ZMIZ1: variants seen among roughly 807,000 people sequenced by gnomAD.
ZMIZ1 encodes zinc finger MIZ domain-containing protein 1.
Under a neutral mutation model 113.9 loss-of-function variants are expected in ZMIZ1, and 17 were observed. The ratio of observed to expected loss-of-function variants is 0.15; its 90% CI spans 0.10 to 0.22. The LOEUF (loss-of-function observed/expected upper bound fraction) is 0.22, where lower values mean the gene tolerates loss of function less well. ZMIZ1 is among the 10% of genes least tolerant of loss of function. The pLI is 1.00. For synonymous variants in ZMIZ1, 607 were observed against 603.1 expected (o/e 1.01, Z -0.09); for missense variants, 1,059 against 1,477.8 (o/e 0.72, Z 4.65).
rs1359284915 is a variant in ZMIZ1 at position 79,315,807 on chromosome 10, A to G, written c.*3058A>G. On this transcript the variant is annotated 3_prime_UTR_variant, in exon 25 of 25. Transcript: ENST00000334512. ...GAAATAGAGACGTGTCAACAGATGC[A>G]TTCATTTCTCTTGGAATGTGTATTG... 3 of 152,686 alleles carry G rather than the reference A, an allele frequency of 2.0e-5. No homozygotes were observed. The Admixed American group carries it at 2.0e-4, about 10-fold the overall frequency. The allele number at this position is 152,686 out of a possible 1,614,324, so 9.5% of individuals were successfully genotyped here. A position where few individuals can be genotyped will look rare whatever the true frequency, so the allele number is the denominator to read the frequency against.
Position 79,269,085 on chromosome 10 carries a change from G to A in ZMIZ1, c.281-8096G>A, listed in dbSNP as rs551907288. 4.7e-4 allele frequency among the ~76,000 whole-genome samples: 72 copies of A among 152,146 alleles called. 1 individual carries two copies. Among genetic ancestry groups the A allele is most frequent in the African/African-American group, 1.6e-3 (68 of 41,508 alleles). ...GGAACTTGCGACATGTCAGAGGGGAGAGTGTGAGGACCAGTGTGGGGGCCT... is the reference window on the plus strand; with the variant it reads ...GGAACTTGCGACATGTCAGAGGGGAAAGTGTGAGGACCAGTGTGGGGGCCT... On this transcript the variant is annotated intron_variant, in intron 7 of 24. Coordinates refer to ENST00000334512, the MANE Select transcript of ZMIZ1 (RefSeq NM_020338.4).
At chr10:79,195,968 A>G (rs534743627) in intron 4 of ZMIZ1, among the ~76,000 whole-genome samples, 2 of 152,104 alleles carry the variant, frequency 1.3e-5, no homozygotes, top group African/African-American at 2.4e-5. Context: ...CAGGTGTAGA[A>G]CAAATGGAAG....
intron 7 of ZMIZ1, among the ~76,000 whole-genome samples, chr10:79,249,863 A>G (rs1427546603): frequency 1.3e-5 from 2 of 152,108 alleles, no homozygotes; most frequent in African/African-American, 4.8e-5. Flanking sequence ...CGGGGCTCTT[A>G]AAATGGGGCC....
At chr10:79,195,801 G>C (rs1190709953) in intron 4 of ZMIZ1, among the ~76,000 whole-genome samples, 1 of 152,220 alleles carries the variant, frequency 6.6e-6, no homozygotes, top group African/African-American at 2.4e-5. Context: ...GGAGTGCAAA[G>C]AACAGCACAT....
chr10:79,297,791 C>CCCAT, intron 14 of ZMIZ1, 101 bp downstream of exon 14: 1 of 1,048,014 alleles, frequency 9.5e-7, no homozygotes, highest in African/African-American at 1.6e-5. Context: ...TTCAAAGGGG[C>CCCAT]CCATGGGTGG....
rs1223164606 is a variant in ZMIZ1 at position 79,229,376 on chromosome 10, CT to C, written c.280+13104del. Among the ~76,000 whole-genome samples, 7 of 152,264 alleles carry C rather than the reference CT, an allele frequency of 4.6e-5. No homozygotes were observed. In the East Asian group the frequency reaches 1.3e-3, roughly 29 times the overall value. On this transcript the variant is annotated intron_variant, in intron 7 of 24. Coordinates refer to ENST00000334512, the MANE Select transcript of ZMIZ1 (RefSeq NM_020338.4). Reference sequence around the variant, plus strand: ...CTCGGGAAGTCTGGCCACGGCTTTCCTTGAAGAGTTATTAACAGATGCTTCA... The same window carrying C: ...CTCGGGAAGTCTGGCCACGGCTTTCCTGAAGAGTTATTAACAGATGCTTCA...
Position 79,146,216 on chromosome 10 carries a change from C to T in ZMIZ1, c.-131+6439C>T, listed in dbSNP as rs143570890. Among the ~76,000 whole-genome samples, 638 of 152,266 alleles carry T rather than the reference C, an allele frequency of 4.2e-3. 5 individuals are homozygous for T. The highest frequency in any genetic ancestry group is 0.015 in the African/African-American group (608 of 41,540). On this transcript the variant is annotated intron_variant, in intron 3 of 24. Transcript: ENST00000334512. ...CCTTCCTCCCCTAGAGCAGGGTCTC[C>T]GCTCTGCCTGTCAAGAGATGTGGCG...
intron 3 of ZMIZ1, among the ~76,000 whole-genome samples, chr10:79,157,501 C>T (rs1203644260): frequency 1.3e-5 from 2 of 152,060 alleles, no homozygotes; most frequent in Non-Finnish European, 2.9e-5. Flanking sequence ...ACCCTCTCCC[C>T]TTGTTGTCCA....
chr10:79,217,581 C>T (rs1848789787), intron 7 of ZMIZ1, among the ~76,000 whole-genome samples: 1 of 152,220 alleles, frequency 6.6e-6, no homozygotes, highest in Non-Finnish European at 1.5e-5. Context: ...CTGAATTCAT[C>T]AGTCAGTTCT....
chr10:79,076,333 G>A (rs999248851), intron 1 of ZMIZ1, among the ~76,000 whole-genome samples: 1 of 152,116 alleles, frequency 6.6e-6, no homozygotes, highest in African/African-American at 2.4e-5. Flanking sequence ...AATGCTCTTC[G>A]GGTCTGATGA....
At chr10:79,303,980 G>A in intron 18 of ZMIZ1, 35 bp from the exon 19 acceptor site, 2 of 1,612,180 alleles carry the variant, frequency 1.2e-6, no homozygotes, top group Non-Finnish European at 1.7e-6. Flanking sequence ...GGACTGTCTT[G>A]CCATCCTCAC....
intron 2 of ZMIZ1, among the ~76,000 whole-genome samples, chr10:79,127,448 C>G (rs546801222): frequency 6.6e-6 from 1 of 152,060 alleles, no homozygotes; most frequent in Non-Finnish European, 1.5e-5. Context: ...GGTTCCTGCT[C>G]GGGAAGCCCA....
chr10:79,251,233 C>T (rs976818864), intron 7 of ZMIZ1, among the ~76,000 whole-genome samples: 10 of 152,046 alleles, frequency 6.6e-5, no homozygotes, highest in African/African-American at 1.7e-4. Flanking sequence ...CTCCACACAC[C>T]GGGACCTCTC....
chr10:79,087,323 G>A (rs1554848499), intron 1 of ZMIZ1, among the ~76,000 whole-genome samples: 1 of 152,212 alleles, frequency 6.6e-6, no homozygotes, highest in Non-Finnish European at 1.5e-5. Flanking sequence ...ATTAGGAGTA[G>A]GCTGACATTG....
intron 8 of ZMIZ1, among the ~76,000 whole-genome samples, chr10:79,283,794 CTAAG>C (rs1209765662): frequency 6.6e-6 from 1 of 152,162 alleles, no homozygotes; most frequent in Non-Finnish European, 1.5e-5. Context: ...GCACAAGTTC[CTAAG>C]TTTCACCGCA....
chr10:79,289,874 C>T lies in ZMIZ1; in HGVS notation c.525C>T (p.Asn175=). ...TCACCACGGTTTGGGGAGTAACCAA[C>T]ACATCCCAGAGCCAGGTAAGAGCCT... ...SVVTTVWGVT[N]TSQSQVLGNP... The change falls in exon 9 of 25, where the codon AAC becomes AAT. Residue 175 remains asparagine (N), a synonymous_variant. Transcript: ENST00000334512. 1 of 1,614,048 alleles carries T rather than the reference C, an allele frequency of 6.2e-7. No homozygotes were observed. Among genetic ancestry groups the T allele is most frequent in the Non-Finnish European group, 8.5e-7 (1 of 1,179,896 alleles).
chr10:79,227,222 T>A (rs1849231153), intron 7 of ZMIZ1, among the ~76,000 whole-genome samples: 1 of 152,192 alleles, frequency 6.6e-6, no homozygotes. Flanking sequence ...TCACCTGAAC[T>A]GCTTGCAAGT....
rs948195982 is a variant in ZMIZ1 at position 79,270,441 on chromosome 10, T to A, written c.281-6740T>A. 5.3e-5 allele frequency among the ~76,000 whole-genome samples: 8 copies of A among 152,334 alleles called. No individual in the cohort carries two copies. In the East Asian group the frequency reaches 1.5e-3, roughly 29 times the overall value. The stretch of plus-strand genomic sequence containing the variant: ...TTGGGTGCAGCTGGTGCAGGGCCCT[T>A]AGACATATCCACTGGGTCCCATTTA... On this transcript the variant is annotated intron_variant, in intron 7 of 24. Coordinates refer to ENST00000334512, the MANE Select transcript of ZMIZ1 (RefSeq NM_020338.4).
At chr10:79,290,545 G>A (rs1347427911) in intron 9 of ZMIZ1, among the ~76,000 whole-genome samples, 3 of 152,170 alleles carry the variant, frequency 2.0e-5, no homozygotes, top group Admixed American at 1.3e-4. Flanking sequence ...CAGCAGCCAG[G>A]GGCCTTGGGG....
Sources: allele counts gnomAD v4.1 joint callset (sites outside exome capture counted in the v4.1 genomes callset), GRCh38; gene constraint gnomAD v4.1.1; transcripts MANE v1.5; gene names NCBI Gene and HGNC (gene_info 2026-07-23, HGNC 2026-07-21).